NRCAM: variants seen among roughly 807,000 people sequenced by gnomAD.
NRCAM encodes NgCAM-related cell adhesion molecule.
A neutral mutation model predicts 156.5 loss-of-function variants in NRCAM; 83 were observed. The observed-to-expected ratio is 0.53, with a 90% CI of 0.44 to 0.64. The LOEUF (loss-of-function observed/expected upper bound fraction) is 0.64, where lower values mean the gene tolerates loss of function less well. Among genes scored for constraint, NRCAM ranks in the 30% least tolerant of loss-of-function variants. The pLI is 0.00. For missense variants in NRCAM, 1,417 were observed against 1,597.3 expected (o/e 0.89, Z 1.92); for synonymous variants, 538 against 563.9 (o/e 0.95, Z 0.65).
chr7:108,293,970 C>G (rs763819791), intron 3 of NRCAM, among the ~76,000 whole-genome samples: 1 of 152,118 alleles, frequency 6.6e-6, no homozygotes, highest in African/African-American at 2.4e-5. Flanking sequence ...CTACTGGAGC[C>G]AGGAGTTTGC....
intron 2 of NRCAM, among the ~76,000 whole-genome samples, chr7:108,329,087 T>C (rs1382889197): frequency 2.0e-5 from 3 of 152,184 alleles, no homozygotes; most frequent in African/African-American, 7.2e-5. Flanking sequence ...TATAACTATT[T>C]TTCTTACTTT....
intron 2 of NRCAM, among the ~76,000 whole-genome samples, chr7:108,321,492 G>A (rs775335334): frequency 2.0e-5 from 3 of 152,114 alleles, no homozygotes; most frequent in Non-Finnish European, 4.4e-5. Context: ...AGCCATTTAT[G>A]AGAGATCCAC....
rs1055870098 is a variant in NRCAM at position 108,198,339 on chromosome 7, A to ATTTATT, written c.1208-246_1208-241dup. Reference sequence around the variant, plus strand: ...GATTGATTCTGTAACACTAAGTATTATTTATTTTTATTTTTATTTTTTTAA... The same window carrying ATTTATT: ...GATTGATTCTGTAACACTAAGTATTATTTATTTTTATTTTTATTTTTATTTTTTTAA... On this transcript the variant is annotated intron_variant, in intron 13 of 32. Transcript: ENST00000379028. 1.1e-4 allele frequency among the ~76,000 whole-genome samples: 16 copies of ATTTATT among 152,096 alleles called. 1 individual carries two copies. The South Asian group carries it at 3.3e-3, about 32-fold the overall frequency.
chr7:108,409,563 C>T (rs1792752967), intron 1 of NRCAM, among the ~76,000 whole-genome samples: 1 of 152,216 alleles, frequency 6.6e-6, no homozygotes, highest in African/African-American at 2.4e-5. Context: ...AGTCTCCAGG[C>T]ACCAGGCCTG....
At chr7:108,314,005 C>A (rs1320751457) in intron 2 of NRCAM, among the ~76,000 whole-genome samples, 1 of 152,122 alleles carries the variant, frequency 6.6e-6, no homozygotes, top group Admixed American at 6.5e-5. Context: ...CTGATGGATT[C>A]CTAAGTTTTA....
chr7:108,256,948 G>A (rs1376461804), intron 3 of NRCAM, among the ~76,000 whole-genome samples: 1 of 150,214 alleles, frequency 6.7e-6, no homozygotes, highest in Non-Finnish European at 1.5e-5. Flanking sequence ...GGTGGAGGTT[G>A]CAGTGAGCCA....
At chr7:108,425,602 A>G (rs755486460) in intron 1 of NRCAM, among the ~76,000 whole-genome samples, 10 of 152,222 alleles carry the variant, frequency 6.6e-5, no homozygotes, top group Non-Finnish European at 1.3e-4. Context: ...CCCTGACTTT[A>G]TAGTTCTTAC....
At chr7:108,228,547 T>A (rs1224918555) in intron 8 of NRCAM, among the ~76,000 whole-genome samples, 1 of 152,228 alleles carries the variant, frequency 6.6e-6, no homozygotes, top group Non-Finnish European at 1.5e-5. Flanking sequence ...AATGTCATCT[T>A]GCAAGAAGTA....
chr7:108,357,436 C>T (rs1433793568), intron 2 of NRCAM, among the ~76,000 whole-genome samples: 1 of 151,580 alleles, frequency 6.6e-6, no homozygotes, highest in Non-Finnish European at 1.5e-5. Flanking sequence ...CGGGTTCAAG[C>T]AATTCTGCTT....
At chr7:108,191,887 G>A (rs2071886734) in intron 17 of NRCAM, 34 bp from the exon 18 acceptor site, 6 of 1,601,334 alleles carry the variant, frequency 3.7e-6, no homozygotes, top group African/African-American at 1.3e-5. Flanking sequence ...CAGCTGAAAT[G>A]GACATGCAGC....
chr7:108,202,863 C>T (rs1376796605), intron 13 of NRCAM, among the ~76,000 whole-genome samples: 1 of 152,164 alleles, frequency 6.6e-6, no homozygotes, highest in African/African-American at 2.4e-5. Flanking sequence ...AACACAATAA[C>T]GGTGTGATCT....
At chr7:108,187,171 C>T (rs1563328742) in intron 20 of NRCAM, among the ~76,000 whole-genome samples, 1 of 152,164 alleles carries the variant, frequency 6.6e-6, no homozygotes, top group Non-Finnish European at 1.5e-5. Context: ...AATAGACAAG[C>T]CAGAGTTATT....
intron 32 of NRCAM, among the ~76,000 whole-genome samples, chr7:108,155,591 T>C (rs546831526): frequency 6.6e-5 from 10 of 152,072 alleles, no homozygotes; most frequent in Non-Finnish European, 1.5e-4. Flanking sequence ...ACCTTAGTTA[T>C]ATCTCTTTCA....
At chr7:108,275,698 T>C (rs1591322632) in intron 3 of NRCAM, among the ~76,000 whole-genome samples, 1 of 152,212 alleles carries the variant, frequency 6.6e-6, no homozygotes, top group East Asian at 1.9e-4. Flanking sequence ...CTGGATTCAC[T>C]GATTTTTTGA....
intron 2 of NRCAM, among the ~76,000 whole-genome samples, chr7:108,315,530 A>T (rs35684614): frequency 0.04 from 6,106 of 152,238 alleles, 195 homozygotes; most frequent in Non-Finnish European, 0.062. Context: ...GTCTGAGATA[A>T]AGCATGTTCT....
At chr7:108,442,350 G>A (rs1386211385) in intron 1 of NRCAM, among the ~76,000 whole-genome samples, 2 of 152,028 alleles carry the variant, frequency 1.3e-5, no homozygotes, top group Non-Finnish European at 2.9e-5. Flanking sequence ...ATTCGTGATT[G>A]GCCCCACTCC....
chr7:108,210,502 T>TC (rs928521787), intron 11 of NRCAM, among the ~76,000 whole-genome samples: 34 of 152,310 alleles, frequency 2.2e-4, no homozygotes, highest in African/African-American at 7.5e-4. Flanking sequence ...CGCCTCAGCC[T>TC]CCCAAAGTGC....
At chr7:108,307,194 G>A (rs1163943380) in intron 3 of NRCAM, among the ~76,000 whole-genome samples, 1 of 152,226 alleles carries the variant, frequency 6.6e-6, no homozygotes, top group Non-Finnish European at 1.5e-5. Flanking sequence ...GGGCTCATGT[G>A]AGCGAAGCAG....
rs75882807 is a variant in NRCAM at position 108,249,409 on chromosome 7, T to G, written c.-106-9239A>C. On this transcript the variant is annotated intron_variant, in intron 3 of 32. Transcript: ENST00000379028. Reference sequence around the variant, plus strand: ...CAGTCACTTGCTGACATGCATGTTGTATTATAAAGAACTTAACAGCAAAAC... The same window carrying G: ...CAGTCACTTGCTGACATGCATGTTGGATTATAAAGAACTTAACAGCAAAAC... Among the ~76,000 whole-genome samples, 463 of 152,362 alleles carry G rather than the reference T, an allele frequency of 3.0e-3. 21 individuals carry two copies. The East Asian group carries it at 0.081, about 27-fold the overall frequency.
Sources: gnomAD v4.1 joint callset for allele counts (sites outside exome capture counted in the v4.1 genomes callset) on GRCh38, gnomAD v4.1.1 for gene constraint, MANE v1.5 for transcripts, NCBI Gene and HGNC (gene_info 2026-07-23, HGNC 2026-07-21) for gene names.